The following CLASP1 variants were observed in gnomAD, a reference collection of about 807,000 sequenced individuals.
The protein encoded by CLASP1 is cytoplasmic linker associated protein 1, also known as CLIP-associating protein 1.
In CLASP1, 38 loss-of-function variants were observed where a neutral mutation model predicts 192.3. That is an observed-to-expected ratio of 0.20 (90% CI 0.15 to 0.26). CLASP1 has a LOEUF of 0.26. CLASP1 is among the 10% of genes least tolerant of loss of function. The probability of loss-of-function intolerance (pLI) is 1.00; values close to 1 mark genes in which losing one functional copy is unlikely to be tolerated. For missense variants in CLASP1, 1,433 were observed against 1,932.5 expected, an observed-to-expected ratio of 0.74 and a Z score of 4.85; for synonymous variants, 691 against 712.8, an observed-to-expected ratio of 0.97 and a Z score of 0.49.
rs559853027 is a variant in CLASP1 at position 121,390,596 on chromosome 2, A to G, written c.3124-2690T>C. On this transcript the variant is annotated intron_variant, in intron 30 of 39. Coordinates refer to ENST00000263710, the Ensembl canonical transcript of CLASP1. The stretch of plus-strand genomic sequence containing the variant: ...TCTTGAATGTTGCACATCTTATAGC[A>G]GAAAGGAATTCTCCCTAGCAGATCA... Among the ~76,000 whole-genome samples the G allele has an allele frequency of 2.6e-5, 4 of 152,376 alleles. 1 individual carries two copies. In the South Asian group the frequency reaches 8.3e-4, roughly 32 times the overall value.
intron 39 of CLASP1, among the ~76,000 whole-genome samples, chr2:121,341,201 C>T: frequency 6.6e-6 from 1 of 152,152 alleles, no homozygotes; most frequent in Admixed American, 6.5e-5. Flanking sequence ...ACAAGACCAC[C>T]ACCAGGTGTC....
Position 121,533,133 on chromosome 2 carries a change from G to A in CLASP1, c.196-2808C>T, listed in dbSNP as rs145617012. On this transcript the variant is annotated intron_variant, in intron 2 of 39. Coordinates refer to ENST00000263710, the Ensembl canonical transcript of CLASP1. The stretch of plus-strand genomic sequence containing the variant: ...AGCAGAGAAGGCCTCGCTAAGCCCC[G>A]GACAGTCAAGTTTCAATGCGTTGCC... 8.6e-5 allele frequency among the ~76,000 whole-genome samples: 13 copies of A among 151,974 alleles called. No homozygotes were observed. The South Asian group carries it at 1.2e-3, about 15-fold the overall frequency.
Position 121,379,555 on chromosome 2 carries a change from A to G in CLASP1, c.3492-1906T>C, listed in dbSNP as rs1472043761. The stretch of plus-strand genomic sequence containing the variant: ...TATAAAGACTGAGTATTATGACTCA[A>G]ACAAAAAATATATATACAAGATGTA... On this transcript the variant is annotated intron_variant, in intron 33 of 39. Coordinates refer to ENST00000263710, the Ensembl canonical transcript of CLASP1. 2.6e-5 allele frequency among the ~76,000 whole-genome samples: 4 copies of G among 152,212 alleles called. No individual in the cohort carries two copies. In the East Asian group the frequency reaches 5.8e-4, roughly 22 times the overall value.
rs549731189 is a variant in CLASP1 at position 121,620,162 on chromosome 2, A to C, written c.-285-13982T>G. On this transcript the variant is annotated intron_variant, in intron 1 of 39. Coordinates refer to ENST00000263710, the Ensembl canonical transcript of CLASP1. The stretch of plus-strand genomic sequence containing the variant: ...GCTTGAACCCAGAGGCGGAGGTCAC[A>C]GTGAGCCAAAATCGTGCCGCTGCAC... Among the ~76,000 whole-genome samples, 46 of 151,544 alleles carry C rather than the reference A, an allele frequency of 3.0e-4. 1 individual carries two copies. The South Asian group carries it at 9.6e-3, about 32-fold the overall frequency.
At chr2:121,531,253 CAA>C (rs989310608) in intron 2 of CLASP1, among the ~76,000 whole-genome samples, 1 of 152,152 alleles carries the variant, frequency 6.6e-6, no homozygotes, top group Non-Finnish European at 1.5e-5. Flanking sequence ...TAGTCTAGGT[CAA>C]GTTTCAATAG....
At chr2:121,428,576 A>C (rs2080856379) in intron 20 of CLASP1, among the ~76,000 whole-genome samples, 1 of 152,206 alleles carries the variant, frequency 6.6e-6, no homozygotes, top group South Asian at 2.1e-4. Context: ...TTCCCACGAC[A>C]GACACTTCTG....
chr2:121,603,787 G>A (rs964395714), intron 2 of CLASP1, among the ~76,000 whole-genome samples: 2 of 152,126 alleles, frequency 1.3e-5, no homozygotes, highest in African/African-American at 4.8e-5. Flanking sequence ...GGAACTAGAG[G>A]GCATTATGTT....
At chr2:121,443,125 T>A (rs1242549960) in intron 19 of CLASP1, among the ~76,000 whole-genome samples, 1 of 152,072 alleles carries the variant, frequency 6.6e-6, no homozygotes, top group African/African-American at 2.4e-5. Context: ...ACACTGACAC[T>A]CCCTATGCTT....
rs369126224 is a variant in CLASP1, at chr2:121,367,755, G to A, written c.3719C>T (p.Ala1240Val). The change falls in exon 35 of 40, where the codon GCT becomes GTT. Residue 1240 changes from alanine (A) to valine (V), a missense_variant. Physicochemically the swap from Ala to Val is moderately conservative, Grantham distance 64 (BLOSUM62 0). Around this residue, in one of 8 missense-constraint regions of CLASP1, gnomAD observed 336 missense variants for 358.0 expected, o/e 0.94. Transcript: ENST00000263710. ...GAGTAGTGAGGTCTTGTTATCCAGA[G>A]CTGTCCGGCCTCCTTCTACTTCACT... The A allele has an allele frequency of 3.1e-6, 5 of 1,613,914 alleles. No individual in the cohort carries two copies. In the East Asian group the frequency reaches 6.7e-5, roughly 22 times the overall value.
intron 1 of CLASP1, among the ~76,000 whole-genome samples, chr2:121,644,976 A>T (rs2072894997): frequency 6.6e-6 from 1 of 151,962 alleles, no homozygotes; most frequent in African/African-American, 2.4e-5. Context: ...CAAAAAAAAA[A>T]AAAACAAGAG....
chr2:121,527,670 G>T, intron 5 of CLASP1, 129 bp downstream of exon 5: 1 of 669,966 alleles, frequency 1.5e-6, no homozygotes, highest in South Asian at 1.8e-5. Flanking sequence ...CTGGGCAAGG[G>T]TGGGTAAAGG....
Position 121,455,662 on chromosome 2 carries a change from C to A in CLASP1, c.1385+2025G>T, listed in dbSNP as rs369975366. 3.3e-5 allele frequency among the ~76,000 whole-genome samples: 5 copies of A among 152,256 alleles called. No individual in the cohort carries two copies. The East Asian group carries it at 9.7e-4, about 29-fold the overall frequency. ...AATCCCAGCACTTTGGAGGTTGAGG[C>A]CAGCCTGGGCAACATGATAAGACCT... On this transcript the variant is annotated intron_variant, in intron 14 of 39. Transcript: ENST00000263710.
chr2:121,524,926 A>G (rs2094540054), intron 6 of CLASP1, among the ~76,000 whole-genome samples: 1 of 152,070 alleles, frequency 6.6e-6, no homozygotes, highest in Admixed American at 6.6e-5. Context: ...AGAGCACGAT[A>G]AGGAAAGGGC....
chr2:121,354,496 C>T (rs763682002), intron 37 of CLASP1, among the ~76,000 whole-genome samples: 14 of 152,206 alleles, frequency 9.2e-5, no homozygotes, highest in Admixed American at 5.2e-4. Context: ...GGCTGAGTTA[C>T]ACACAGCTGA....
At position 121,530,371 on chromosome 2, in the gene CLASP1, G is replaced by A. The variant is rs370348442; in HGVS notation, c.196-46C>T. On this transcript the variant is annotated intron_variant, in intron 2 of 39. Coordinates refer to ENST00000263710, the Ensembl canonical transcript of CLASP1. ...AGCCTGTTAGCAGCCGGCCTGCGGG[G>A]CAGCGCTCCCGCCCACCCGCTCCGG... 5.3e-4 allele frequency: 776 copies of A among 1,477,106 alleles called. 3 individuals are homozygous for A. The African/African-American group carries it at 6.0e-3, about 11-fold the overall frequency. 91.5% of individuals were successfully genotyped at this position (1,477,106 alleles called of 1,614,324 possible).
chr2:121,405,862 G>T (rs2076837775), intron 25 of CLASP1, among the ~76,000 whole-genome samples: 1 of 152,204 alleles, frequency 6.6e-6, no homozygotes, highest in Non-Finnish European at 1.5e-5. Context: ...AATAATAGGG[G>T]CAGGTATGAG....
chr2:121,581,400 G>A (rs1004078415), intron 2 of CLASP1, among the ~76,000 whole-genome samples: 5 of 148,786 alleles, frequency 3.4e-5, no homozygotes, highest in South Asian at 4.3e-4. Context: ...TCAGCCTCCC[G>A]AGTAGCTGGG....
intron 39 of CLASP1, among the ~76,000 whole-genome samples, chr2:121,345,947 C>G (rs964159211): frequency 2.0e-5 from 3 of 152,176 alleles, no homozygotes; most frequent in Non-Finnish European, 4.4e-5. Flanking sequence ...AACAAGGTGG[C>G]CCAGAGTGTC....
intron 1 of CLASP1, among the ~76,000 whole-genome samples, chr2:121,621,111 C>A (rs746201241): frequency 6.6e-6 from 1 of 151,892 alleles, no homozygotes; most frequent in African/African-American, 2.4e-5. Flanking sequence ...CCCAGCCACT[C>A]GGGAGGCTAA....
Sources: gnomAD v4.1 joint callset for allele counts (sites outside exome capture counted in the v4.1 genomes callset) on GRCh38, gnomAD v4.1.1 for gene constraint, gnomAD v4.1.1 regional missense constraint, MANE v1.5 for transcripts, NCBI Gene and HGNC (gene_info 2026-07-23, HGNC 2026-07-21) for gene names.